BTBD8: variants seen among roughly 807,000 people sequenced by gnomAD.
BTBD8 encodes the protein BTB domain containing 8.
In BTBD8, 110 loss-of-function variants were observed where a neutral mutation model predicts 162.9. The ratio of observed to expected loss-of-function variants is 0.68; its 90% CI spans 0.58 to 0.79. BTBD8 has a LOEUF of 0.79. Among genes scored for constraint, BTBD8 ranks in the 30% least tolerant of loss-of-function variants. BTBD8 has a pLI of 0.00. For synonymous variants in BTBD8, 667 were observed against 716.1 expected, an observed-to-expected ratio of 0.93 and a Z score of 1.10; for missense variants, 1,905 against 2,085.4, an observed-to-expected ratio of 0.91 and a Z score of 1.68.
At chr1:92,124,757 G>A (rs1248308371) in intron 4 of BTBD8, among the ~76,000 whole-genome samples, 1 of 152,102 alleles carries the variant, frequency 6.6e-6, no homozygotes, top group Non-Finnish European at 1.5e-5. Context: ...TTTAAAGAAT[G>A]AATTAATTAG....
chr1:92,134,436 A>G (rs770892492), intron 5 of BTBD8, among the ~76,000 whole-genome samples: 7 of 152,184 alleles, frequency 4.6e-5, no homozygotes, highest in Non-Finnish European at 8.8e-5. Flanking sequence ...TCTTTCCTCC[A>G]ATAAGTTCAT....
chr1:92,107,867 G>A lies in BTBD8; in HGVS notation c.545-17G>A. On this transcript the variant is annotated splice_polypyrimidine_tract_variant and intron_variant, in intron 3 of 17. Coordinates refer to ENST00000636805, the MANE Select transcript of BTBD8 (RefSeq NM_001376131.1). ...TAATATTAAACTATTTTTTAGTCTT[G>A]TTTTTCTTTTTTAAAGATAATTATG... is the stretch of plus-strand genomic sequence containing the variant. 1 of 1,585,448 alleles carries A rather than the reference G, an allele frequency of 6.3e-7. No homozygotes were observed. Among genetic ancestry groups the A allele is most frequent in the Non-Finnish European group, 8.6e-7 (1 of 1,165,882 alleles).
At chr1:92,152,081 A>G (rs1477613990) in intron 9 of BTBD8, among the ~76,000 whole-genome samples, 1 of 152,200 alleles carries the variant, frequency 6.6e-6, no homozygotes, top group Non-Finnish European at 1.5e-5. Flanking sequence ...GCCCTGTTCA[A>G]GTTCCCAAGA....
In BTBD8 at chr1:92,092,394, CAA is replaced by C. The variant is rs60361376; in HGVS notation, c.347+3513_347+3514del. 4.3e-3 allele frequency among the ~76,000 whole-genome samples: 564 copies of C among 131,466 alleles called. 1 individual carries two copies. Among genetic ancestry groups the C allele is most frequent in the Non-Finnish European group, 4.3e-3 (267 of 61,878 alleles). 86.2% of individuals were successfully genotyped at this position (131,466 alleles called of 152,430 possible). On this transcript the variant is annotated intron_variant, in intron 2 of 17. Coordinates refer to ENST00000636805, the MANE Select transcript of BTBD8 (RefSeq NM_001376131.1). ...GTGGGCCTCAGAGTGAGGCTATCTC[CAA>C]AAAAAAAAAAAAAGAAAAGAAGAGG...
chr1:92,131,717 CTG>C (rs1409798531), intron 5 of BTBD8, among the ~76,000 whole-genome samples: 2 of 144,826 alleles, frequency 1.4e-5, no homozygotes, highest in African/African-American at 5.3e-5. Context: ...GAGCGAGACT[CTG>C]TCTCAAAAAA....
intron 2 of BTBD8, among the ~76,000 whole-genome samples, chr1:92,092,137 A>T (rs1393269161): frequency 6.6e-6 from 1 of 152,162 alleles, no homozygotes; most frequent in African/African-American, 2.4e-5. Context: ...ACAGTGACTC[A>T]TACCTGTAGT....
intron 9 of BTBD8, among the ~76,000 whole-genome samples, chr1:92,157,885 C>A (rs1456304183): frequency 6.6e-6 from 1 of 152,158 alleles, no homozygotes; most frequent in African/African-American, 2.4e-5. Flanking sequence ...CTCTTCAGAT[C>A]TATTAATACT....
chr1:92,165,119 CAAAA>C (rs779526131), intron 9 of BTBD8, among the ~76,000 whole-genome samples: 10 of 101,188 alleles, frequency 9.9e-5, no homozygotes, highest in Admixed American at 2.2e-4. Context: ...AGACTTGTGT[CAAAA>C]AAAAAAAAAA....
chr1:92,081,629 C>A (rs941897254), intron 1 of BTBD8, among the ~76,000 whole-genome samples: 5 of 152,060 alleles, frequency 3.3e-5, no homozygotes, highest in Admixed American at 2.6e-4. Context: ...GCTGGAGCGC[C>A]GTGGCGCGAT....
chr1:92,139,274 T>C (rs1402817111), intron 5 of BTBD8, 76 bp from the exon 6 acceptor site: 5 of 1,471,336 alleles, frequency 3.4e-6, no homozygotes, highest in Non-Finnish European at 4.5e-6. Flanking sequence ...TGGCTCGAAG[T>C]TTATGGGAAA....
intron 12 of BTBD8, among the ~76,000 whole-genome samples, chr1:92,171,152 A>G (rs909494540): frequency 3.9e-5 from 6 of 152,090 alleles, no homozygotes; most frequent in African/African-American, 1.4e-4. Context: ...GTGAGATTGT[A>G]CAGTTCTTAT....
intron 5 of BTBD8, among the ~76,000 whole-genome samples, chr1:92,134,894 A>ATT (rs1553123593): frequency 1.4e-5 from 1 of 72,486 alleles, no homozygotes; most frequent in African/African-American, 9.4e-5. Flanking sequence ...TTAATTAATT[A>ATT]ATTTTTTTTT....
intron 1 of BTBD8, among the ~76,000 whole-genome samples, chr1:92,082,151 A>T (rs557000303): frequency 4.6e-5 from 7 of 152,290 alleles, no homozygotes; most frequent in Middle Eastern, 3.4e-3. Flanking sequence ...CTTAGTTACA[A>T]CTGAGGGTAG....
intron 2 of BTBD8, among the ~76,000 whole-genome samples, chr1:92,095,273 T>A (rs1222850718): frequency 6.6e-6 from 1 of 152,186 alleles, no homozygotes; most frequent in African/African-American, 2.4e-5. Flanking sequence ...TCAACATTAT[T>A]CAAAAAATCC....
chr1:92,121,450 T>A (rs1183325665), intron 4 of BTBD8, among the ~76,000 whole-genome samples: 1 of 152,218 alleles, frequency 6.6e-6, no homozygotes, highest in East Asian at 1.9e-4. Flanking sequence ...TGAGTAAGAT[T>A]GATTTTTTTT....
At chr1:92,081,735 G>A (rs1648021463) in intron 1 of BTBD8, among the ~76,000 whole-genome samples, 1 of 152,070 alleles carries the variant, frequency 6.6e-6, no homozygotes, top group Non-Finnish European at 1.5e-5. Context: ...CACCACGCCC[G>A]GCTAATTTTT....
At chr1:92,183,755 GTTT>G in intron 17 of BTBD8, 106 bp from the exon 18 acceptor site, 124 of 429,984 alleles carry the variant, frequency 2.9e-4, no homozygotes, top group Middle Eastern at 6.4e-4. Context: ...CCCATTCTGT[GTTT>G]TTTTTTTTTT....
Position 92,107,873 on chromosome 1 carries a change from C to A in BTBD8, c.545-11C>A. On this transcript the variant is annotated splice_polypyrimidine_tract_variant and intron_variant, in intron 3 of 17. Coordinates refer to ENST00000636805, the MANE Select transcript of BTBD8 (RefSeq NM_001376131.1). Reference sequence around the variant, plus strand: ...TAAACTATTTTTTAGTCTTGTTTTTCTTTTTTAAAGATAATTATGACTTGG... The same window carrying A: ...TAAACTATTTTTTAGTCTTGTTTTTATTTTTTAAAGATAATTATGACTTGG... The A allele has an allele frequency of 6.3e-7, 1 of 1,585,018 alleles. No homozygotes were observed. Among genetic ancestry groups the A allele is most frequent in the Non-Finnish European group, 8.6e-7 (1 of 1,167,866 alleles).
chr1:92,180,163 G>A (rs1650840104), intron 16 of BTBD8, 102 bp from the exon 17 acceptor site: 14 of 834,000 alleles, frequency 1.7e-5, no homozygotes, highest in Non-Finnish European at 2.6e-5. Flanking sequence ...TTGTGTTCTT[G>A]ATTTTATTTT....
Sources: gnomAD v4.1 joint callset for allele counts (sites outside exome capture counted in the v4.1 genomes callset) on GRCh38, gnomAD v4.1.1 for gene constraint, MANE v1.5 for transcripts, NCBI Gene and HGNC (gene_info 2026-07-23, HGNC 2026-07-21) for gene names.